Variants in GLMN observed in about 807,000 individuals in gnomAD.
The protein encoded by GLMN is glomulin, FKBP associated protein, also known as glomulin.
Under a neutral mutation model 87.8 loss-of-function variants are expected in GLMN, and 75 were observed. That is an observed-to-expected ratio of 0.85 (90% CI 0.71 to 1.04). The LOEUF is 1.04. GLMN is among the 50% of genes least tolerant of loss of function. The pLI is 0.00. For synonymous variants in GLMN, 206 were observed against 221.6 expected (o/e 0.93, Z 0.63); for missense variants, 588 against 658.8 (o/e 0.89, Z 1.18).
Position 92,257,422 on chromosome 1 carries a change from A to C in GLMN, c.1473+5441T>G, listed in dbSNP as rs190738288. ...CTTTAAATTTCATATAGAACCAAAA[A>C]GTGTCCGGATAGCCAGGACAATCCT... On this transcript the variant is annotated intron_variant, in intron 16 of 18. Coordinates refer to ENST00000370360, the MANE Select transcript of GLMN (RefSeq NM_053274.3). Among the ~76,000 whole-genome samples, 9 of 152,324 alleles carry C rather than the reference A, an allele frequency of 5.9e-5. No individual in the cohort carries two copies. In the East Asian group the frequency reaches 1.5e-3, roughly 26 times the overall value.
At chr1:92,344,561 AT>A in the GLMN span, among the ~76,000 whole-genome samples, 14 of 152,208 alleles carry the variant, frequency 9.2e-5, no homozygotes, top group East Asian at 2.5e-3. Flanking sequence ...ATTAAAACCC[AT>A]TTTTTTAACA....
Position 92,284,775 on chromosome 1 carries a change from G to GA in GLMN, c.735+1714dup, listed in dbSNP as rs972851115. Among the ~76,000 whole-genome samples the GA allele has an allele frequency of 8.1e-3, 1,192 of 147,042 alleles. 17 individuals carry two copies. Among genetic ancestry groups the GA allele is most frequent in the African/African-American group, 0.028 (1,121 of 40,064 alleles). On this transcript the variant is annotated intron_variant, in intron 7 of 18. Coordinates refer to ENST00000370360, the MANE Select transcript of GLMN (RefSeq NM_053274.3). Reference sequence around the variant, plus strand: ...ACAAAGAACTTAAACAAATTTACAAGAAAAAAAAAATCCCATCAAAAAGTA... The same window carrying GA: ...ACAAAGAACTTAAACAAATTTACAAGAAAAAAAAAAATCCCATCAAAAAGTA...
the GLMN span, among the ~76,000 whole-genome samples, chr1:92,326,461 C>G: frequency 6.6e-6 from 1 of 152,116 alleles, no homozygotes; most frequent in Non-Finnish European, 1.5e-5. Context: ...GTGGCACTTT[C>G]AAGAGAGCAT....
At chr1:92,344,021 A>C in the GLMN span, among the ~76,000 whole-genome samples, 1 of 152,218 alleles carries the variant, frequency 6.6e-6, no homozygotes, top group East Asian at 1.9e-4. Flanking sequence ...AGCAACTGCT[A>C]CTGTGAAGTA....
chr1:92,307,400 G>A, the GLMN span: 2 of 600,332 alleles, frequency 3.3e-6, no homozygotes, highest in African/African-American at 3.7e-5. Context: ...ATACTTTATG[G>A]GGAAATGGTT....
the GLMN span, among the ~76,000 whole-genome samples, chr1:92,336,186 C>T: frequency 3.3e-5 from 5 of 152,216 alleles, no homozygotes; most frequent in South Asian, 1.0e-3. Context: ...TGAATGTTTC[C>T]TTATGAGTTC....
upstream of GLMN, among the ~76,000 whole-genome samples, chr1:92,300,466 A>G (rs1252206445): frequency 2.0e-5 from 3 of 152,144 alleles, no homozygotes; most frequent in Non-Finnish European, 4.4e-5. Context: ...TGAAGGAATG[A>G]GTGTCTGTAG....
chr1:92,339,474 A>G, the GLMN span, among the ~76,000 whole-genome samples: 3 of 152,076 alleles, frequency 2.0e-5, no homozygotes, highest in Non-Finnish European at 4.4e-5. Context: ...AAAAAATAAT[A>G]ATAATAATTT....
the GLMN span, among the ~76,000 whole-genome samples, chr1:92,323,222 G>A: frequency 6.6e-6 from 1 of 151,256 alleles, no homozygotes; most frequent in African/African-American, 2.4e-5. Context: ...TACAGAAGGA[G>A]AACTATATCA....
At chr1:92,312,107 A>G in the GLMN span, among the ~76,000 whole-genome samples, 1 of 152,198 alleles carries the variant, frequency 6.6e-6, no homozygotes, top group South Asian at 2.1e-4. Context: ...CCACAGCAGA[A>G]CATCTTTCAA....
At chr1:92,357,888 T>C in the GLMN span, among the ~76,000 whole-genome samples, 1 of 152,216 alleles carries the variant, frequency 6.6e-6, no homozygotes, top group Non-Finnish European at 1.5e-5. Context: ...ATGAAAGTCA[T>C]TTAAATTTTT....
chr1:92,322,999 G>A, the GLMN span, among the ~76,000 whole-genome samples: 3 of 144,858 alleles, frequency 2.1e-5, no homozygotes, highest in African/African-American at 7.6e-5. Context: ...GTAAATATGT[G>A]TACATATAAA....
At chr1:92,254,212 T>C (rs550976602) in intron 16 of GLMN, among the ~76,000 whole-genome samples, 1 of 151,950 alleles carries the variant, frequency 6.6e-6, no homozygotes, top group Non-Finnish European at 1.5e-5. Context: ...AAGACAAGAT[T>C]AGAGAAAAAA....
the GLMN span, among the ~76,000 whole-genome samples, chr1:92,321,180 G>A: frequency 1.1e-3 from 167 of 152,212 alleles, no homozygotes; most frequent in African/African-American, 3.5e-3. Flanking sequence ...GTCACATGGC[G>A]TTGAGCACAA....
chr1:92,252,037 A>G (rs368773160), intron 16 of GLMN, among the ~76,000 whole-genome samples: 2 of 152,076 alleles, frequency 1.3e-5, no homozygotes, highest in East Asian at 3.8e-4. Context: ...ACCTCAGGTG[A>G]TCTGCCCGCC....
the GLMN span, among the ~76,000 whole-genome samples, chr1:92,311,820 T>G: frequency 6.6e-6 from 1 of 152,224 alleles, no homozygotes; most frequent in Non-Finnish European, 1.5e-5. Flanking sequence ...TAGCGTTATA[T>G]CTTTAAAAAA....
At chr1:92,286,372 G>T in intron 7 of GLMN, 118 bp downstream of exon 7, 1 of 546,920 alleles carries the variant, frequency 1.8e-6, no homozygotes, top group Non-Finnish European at 3.3e-6. Flanking sequence ...TTGTTTATGT[G>T]TGTTCTACAA....
chr1:92,304,444 A>G, the GLMN span: 1 of 617,196 alleles, frequency 1.6e-6, no homozygotes, highest in Non-Finnish European at 2.7e-6. Context: ...ATGATATTAA[A>G]TAGGATTCTA....
chr1:92,308,201 C>T, the GLMN span, among the ~76,000 whole-genome samples: 2 of 152,154 alleles, frequency 1.3e-5, no homozygotes, highest in Non-Finnish European at 1.5e-5. Context: ...CTCTGCCTGC[C>T]GATCCAATCC....
Sources: gnomAD v4.1 joint callset for allele counts (sites outside exome capture counted in the v4.1 genomes callset) on GRCh38, gnomAD v4.1.1 for gene constraint, MANE v1.5 for transcripts, NCBI Gene and HGNC (gene_info 2026-07-23, HGNC 2026-07-21) for gene names.